The following NR5A2 variants were observed in gnomAD, a reference collection of about 807,000 sequenced individuals.
NR5A2 encodes nuclear receptor subfamily 5 group A member 2, also known as CYP7A promoter-binding factor.
Under a neutral mutation model 62.7 loss-of-function variants are expected in NR5A2, and 26 were observed. That is an observed-to-expected ratio of 0.41 (90% CI 0.30 to 0.58). The LOEUF (loss-of-function observed/expected upper bound fraction) is 0.58, where lower values mean the gene tolerates loss of function less well. Ranked by LOEUF, NR5A2 falls within the 20% of genes least tolerant of loss-of-function variation. The probability of loss-of-function intolerance (pLI) is 0.22; values close to 1 mark genes in which losing one functional copy is unlikely to be tolerated. For missense variants in NR5A2, 541 were observed against 669.1 expected, an observed-to-expected ratio of 0.81 and a Z score of 2.11; for synonymous variants, 246 against 241.7, an observed-to-expected ratio of 1.02 and a Z score of -0.16.
intron 7 of NR5A2, among the ~76,000 whole-genome samples, chr1:200,157,813 T>G (rs1653456694): frequency 6.6e-6 from 1 of 152,198 alleles, no homozygotes; most frequent in African/African-American, 2.4e-5. Flanking sequence ...TCAGAATCAG[T>G]GTTGATCCAC....
intron 6 of NR5A2, among the ~76,000 whole-genome samples, chr1:200,118,940 C>A (rs376399340): frequency 6.6e-6 from 1 of 152,192 alleles, no homozygotes; most frequent in African/African-American, 2.4e-5. Flanking sequence ...CACAGGAGTT[C>A]TTACAACACT....
In NR5A2 at chr1:200,147,943, G is replaced by GTGT. The variant is rs1667790801; in HGVS notation, c.1379-26017_1379-26015dup. The stretch of plus-strand genomic sequence containing the variant: ...GTGGTGCAGCGCTTCGCCGGTGTTG[G>GTGT]TGTTGCCCTGTGGTAGGCGATGCAT... On this transcript the variant is annotated intron_variant, in intron 7 of 7. Coordinates refer to ENST00000367362, the MANE Select transcript of NR5A2 (RefSeq NM_205860.3). This position sits in a 1 kb window ranked among gnomAD's most constrained non-coding sequence, Gnocchi z 4.9. 2.8e-6 allele frequency: 1 copy of GTGT among 354,038 alleles called. No homozygotes were observed. The highest frequency in any genetic ancestry group is 2.1e-5 in the African/African-American group (1 of 46,578). The allele number at this position is 354,038 out of a possible 1,614,324, so 21.9% of individuals were successfully genotyped here.
intron 7 of NR5A2, among the ~76,000 whole-genome samples, chr1:200,125,095 A>T (rs1308883727): frequency 2.6e-5 from 4 of 152,186 alleles, no homozygotes; most frequent in Non-Finnish European, 5.9e-5. Context: ...TTCTGTTATC[A>T]GTTTGCATTC....
intron 5 of NR5A2, among the ~76,000 whole-genome samples, chr1:200,096,269 A>T (rs1665094106): frequency 6.6e-6 from 1 of 151,870 alleles, no homozygotes; most frequent in Admixed American, 6.6e-5. Flanking sequence ...TGTATTTTGA[A>T]TAGAGATGGG....
intron 5 of NR5A2, among the ~76,000 whole-genome samples, chr1:200,105,166 C>G (rs1665587376): frequency 6.6e-6 from 1 of 152,012 alleles, no homozygotes; most frequent in Non-Finnish European, 1.5e-5. Flanking sequence ...TACTATGTTG[C>G]CCAGGTTGGT....
chr1:200,137,638 TGAAA>T lies in NR5A2; in HGVS notation c.1378+16687_1378+16690del, dbSNP rs1381430766. On this transcript the variant is annotated intron_variant, in intron 7 of 7. Transcript: ENST00000367362. ...ATTGCCAGCATCAAACTCAATGGAGTGAAAGAAGAAGGAATGAAGATTAAAACAT... is the reference window on the plus strand; with the variant it reads ...ATTGCCAGCATCAAACTCAATGGAGTGAAGAAGGAATGAAGATTAAAACAT... Among the ~76,000 whole-genome samples, 12 of 152,164 alleles carry T rather than the reference TGAAA, an allele frequency of 7.9e-5. No homozygotes were observed. The East Asian group carries it at 2.3e-3, about 29-fold the overall frequency.
chr1:200,135,251 C>G (rs1471271830), intron 7 of NR5A2, among the ~76,000 whole-genome samples: 1 of 152,040 alleles, frequency 6.6e-6, no homozygotes, highest in Non-Finnish European at 1.5e-5. Context: ...CCAGGTGCAG[C>G]GGCTCACGCC....
At chr1:200,102,878 G>A (rs1665450574) in intron 5 of NR5A2, among the ~76,000 whole-genome samples, 1 of 152,106 alleles carries the variant, frequency 6.6e-6, no homozygotes, top group South Asian at 2.1e-4. Context: ...TCCTGAAGGA[G>A]GCGCCTTTTA....
At chr1:200,150,033 C>A (rs1160666632) in intron 7 of NR5A2, among the ~76,000 whole-genome samples, 1 of 151,636 alleles carries the variant, frequency 6.6e-6, no homozygotes, top group African/African-American at 2.4e-5. Context: ...GGTGTTCAAG[C>A]AGCATATAAT....
At chr1:200,131,490 AT>A (rs1381986183) in intron 7 of NR5A2, among the ~76,000 whole-genome samples, 1 of 152,188 alleles carries the variant, frequency 6.6e-6, no homozygotes, top group African/African-American at 2.4e-5. Context: ...AACTACTGCT[AT>A]TTAGTGAGAT....
intron 5 of NR5A2, among the ~76,000 whole-genome samples, chr1:200,061,565 A>G (rs1177436940): frequency 6.6e-6 from 1 of 152,194 alleles, no homozygotes; most frequent in Non-Finnish European, 1.5e-5. Flanking sequence ...GGCGTGAGCC[A>G]CTGCGCCCGA....
chr1:200,147,595 C>A lies in NR5A2; in HGVS notation c.1379-26368C>A. 1.4e-6 allele frequency: 1 copy of A among 721,484 alleles called. No individual in the cohort carries two copies. Among genetic ancestry groups the A allele is most frequent in the East Asian group, 3.2e-5 (1 of 31,712 alleles). 44.7% of individuals were successfully genotyped at this position (721,484 alleles called of 1,614,324 possible). A position where few individuals can be genotyped will look rare whatever the true frequency, so the allele number is the denominator to read the frequency against. On this transcript the variant is annotated intron_variant, in intron 7 of 7. Coordinates refer to ENST00000367362, the MANE Select transcript of NR5A2 (RefSeq NM_205860.3). The surrounding 1 kb of genome is among the most constrained non-coding windows in gnomAD (Gnocchi z 4.9). Reference sequence around the variant, plus strand: ...GATCTCCTCTACACGAACGCTAGGGCAGAGCACATTTTCGCACAGGCAGCG... The same window carrying A: ...GATCTCCTCTACACGAACGCTAGGGAAGAGCACATTTTCGCACAGGCAGCG...
chr1:200,098,312 G>A lies in NR5A2; in HGVS notation c.1111-12890G>A, dbSNP rs149979149. On this transcript the variant is annotated intron_variant, in intron 5 of 7. Transcript: ENST00000367362. ...AGATTTTATGTCCAGATAATTCCAA[G>A]GTTCTATCATTTGGTATCTATGGTT... Among the ~76,000 whole-genome samples the A allele has an allele frequency of 7.0e-4, 107 of 152,034 alleles. No individual in the cohort carries two copies. The South Asian group carries it at 0.011, about 15-fold the overall frequency.
rs4255411 is a variant in NR5A2 at position 200,097,236 on chromosome 1, C to A, written c.1111-13966C>A. On this transcript the variant is annotated intron_variant, in intron 5 of 7. Coordinates refer to ENST00000367362, the MANE Select transcript of NR5A2 (RefSeq NM_205860.3). ...TATTATTTCTTTTTTTAAAATAAAC[C>A]TTTGTCAGAATATTATTTCTTCTTT... is the stretch of plus-strand genomic sequence containing the variant. Among the ~76,000 whole-genome samples, 527 of 151,966 alleles carry A rather than the reference C, an allele frequency of 3.5e-3. 1 individual carries two copies. Among genetic ancestry groups the A allele is most frequent in the African/African-American group, 0.012 (511 of 41,398 alleles).
rs189933952 is a variant in NR5A2, at chr1:200,115,090, G to A, written c.1230+3769G>A. 6.6e-5 allele frequency among the ~76,000 whole-genome samples: 10 copies of A among 152,150 alleles called. No individual in the cohort carries two copies. In the East Asian group the frequency reaches 1.9e-3, roughly 29 times the overall value. On this transcript the variant is annotated intron_variant, in intron 6 of 7. Transcript: ENST00000367362. ...TTGTTTTTGGGGGAATTTTCTATAT[G>A]GCATTGTAAGCACATTGTTACAGTA... is the stretch of plus-strand genomic sequence containing the variant.
chr1:200,128,086 G>C (rs187606857), intron 7 of NR5A2, among the ~76,000 whole-genome samples: 9 of 151,884 alleles, frequency 5.9e-5, no homozygotes, highest in Non-Finnish European at 1.0e-4. Flanking sequence ...TCTAAATACC[G>C]TCATCCCTCA....
At chr1:200,129,927 G>A (rs755327586) in intron 7 of NR5A2, among the ~76,000 whole-genome samples, 2 of 152,194 alleles carry the variant, frequency 1.3e-5, no homozygotes, top group Non-Finnish European at 2.9e-5. Flanking sequence ...CACTGTTGGA[G>A]TCTGAGTGCT....
intron 5 of NR5A2, among the ~76,000 whole-genome samples, chr1:200,065,649 A>G (rs1663432961): frequency 6.6e-6 from 1 of 152,194 alleles, no homozygotes; most frequent in Non-Finnish European, 1.5e-5. Flanking sequence ...CCATTCATAT[A>G]TTTATTAATT....
intron 7 of NR5A2, among the ~76,000 whole-genome samples, chr1:200,123,262 GA>G (rs1474089687): frequency 2.0e-5 from 3 of 152,202 alleles, no homozygotes; most frequent in Non-Finnish European, 4.4e-5. Flanking sequence ...TCCTGTGAGA[GA>G]TGAAACAGTG....
Sources: gnomAD v4.1 joint callset for allele counts (sites outside exome capture counted in the v4.1 genomes callset) on GRCh38, gnomAD v4.1.1 for gene constraint, Gnocchi (gnomAD v3.1) non-coding constraint, MANE v1.5 for transcripts, NCBI Gene and HGNC (gene_info 2026-07-23, HGNC 2026-07-21) for gene names.